Variants in RSRP1 observed in about 807,000 individuals in gnomAD.
RSRP1 encodes the protein arginine/serine-rich protein 1.
A neutral mutation model predicts 33.0 loss-of-function variants in RSRP1; 37 were observed. That is an observed-to-expected ratio of 1.12 (90% CI 0.86 to 1.48). The LOEUF (loss-of-function observed/expected upper bound fraction) is 1.48. Ranked by LOEUF, RSRP1 falls within the 40% of genes most tolerant of loss-of-function variation. The pLI, the probability that RSRP1 is intolerant of heterozygous loss-of-function variation, is 0.00. For synonymous variants in RSRP1, 167 were observed against 158.7 expected, an observed-to-expected ratio of 1.05 and a Z score of -0.40; for missense variants, 402 against 385.3, an observed-to-expected ratio of 1.04 and a Z score of -0.36.
At chr1:25,250,127 C>T (rs1434994377), upstream of RSRP1, among the ~76,000 whole-genome samples, 1 of 151,958 alleles carries the variant, frequency 6.6e-6, no homozygotes, top group Admixed American at 6.6e-5. Context: ...GCAGAATAGG[C>T]AAAAAGTTAA....
At chr1:25,285,813 G>C (rs377555026) in intron 1 of RSRP1, among the ~76,000 whole-genome samples, 1 of 134,822 alleles carries the variant, frequency 7.4e-6, no homozygotes, top group South Asian at 2.2e-4. Flanking sequence ...TCCCTGTGCT[G>C]CCCAGATGAT....
chr1:25,281,084 G>A (rs1641453826), intron 1 of RSRP1, among the ~76,000 whole-genome samples: 2 of 132,450 alleles, frequency 1.5e-5, no homozygotes. Flanking sequence ...GGCCTAAAGA[G>A]GGTAATGGAC....
rs1332284848 is a variant in RSRP1, at chr1:25,261,540, G to A, written c.-66-14511C>T. On this transcript the variant is annotated intron_variant, in intron 1 of 1. Transcript: ENST00000561867. ...TTGCCTCAGTCTCCCGAGTAGCTGG[G>A]CCTACAGGCGCCCGCCACCCTGCCC... Among the ~76,000 whole-genome samples, 8 of 151,578 alleles carry A rather than the reference G, an allele frequency of 5.3e-5. No individual in the cohort carries two copies. In the East Asian group the frequency reaches 1.5e-3, roughly 29 times the overall value.
chr1:25,284,147 G>C (rs1338403037), intron 1 of RSRP1, among the ~76,000 whole-genome samples: 2 of 136,146 alleles, frequency 1.5e-5, no homozygotes, highest in Admixed American at 1.4e-4. Context: ...CTTGGCTTCT[G>C]TGGCTTCATT....
rs1258119832 is a variant in RSRP1 at position 25,300,902 on chromosome 1, C to T, written c.-67+37076G>A. 2.2e-6 allele frequency: 3 copies of T among 1,367,976 alleles called. 1 individual carries two copies. The highest frequency in any genetic ancestry group is 3.1e-6 in the Non-Finnish European group (3 of 972,892). 84.7% of individuals were successfully genotyped at this position (1,367,976 alleles called of 1,614,324 possible). A position where few individuals can be genotyped will look rare whatever the true frequency, so the allele number is the denominator to read the frequency against. On this transcript the variant is annotated intron_variant, in intron 1 of 1. Coordinates refer to the RSRP1 transcript ENST00000561867. ...AAGGACTATCAGGGCTTGCCCCGGG[C>T]AGAGGATGCCGACACTCACTGCTCT...
intron 1 of RSRP1, among the ~76,000 whole-genome samples, chr1:25,260,156 G>C (rs572872610): frequency 6.6e-6 from 1 of 152,300 alleles, no homozygotes; most frequent in African/African-American, 2.4e-5. Context: ...ACACCATTTA[G>C]TCACTGAATA....
chr1:25,307,985 A>T (rs1643940977), intron 1 of RSRP1, among the ~76,000 whole-genome samples: 1 of 125,864 alleles, frequency 7.9e-6, no homozygotes, highest in African/African-American at 2.8e-5. Context: ...TGAGGACTTG[A>T]CCTAGCAAGG....
intron 1 of RSRP1, among the ~76,000 whole-genome samples, chr1:25,275,342 C>T (rs1207306194): frequency 5.3e-5 from 7 of 131,872 alleles, no homozygotes; most frequent in African/African-American, 1.8e-4. Flanking sequence ...GTGGCAGACT[C>T]ACTGGGCTGC....
Position 25,297,493 on chromosome 1 carries a change from T to C in RSRP1, c.-67+40485A>G, listed in dbSNP as rs866019208. The stretch of plus-strand genomic sequence containing the variant: ...TGTTGATCATCCAACTTTCACCCAC[T>C]GATTTTAGTGTTCATTGATTCTTCC... On this transcript the variant is annotated intron_variant, in intron 1 of 1. Coordinates refer to the RSRP1 transcript ENST00000561867. 5.7e-5 allele frequency among the ~76,000 whole-genome samples: 7 copies of C among 122,066 alleles called. 1 individual carries two copies. The highest frequency in any genetic ancestry group is 1.2e-4 in the Non-Finnish European group (6 of 52,168). 80.1% of individuals were successfully genotyped at this position (122,066 alleles called of 152,430 possible). A position where few individuals can be genotyped will look rare whatever the true frequency, so the allele number is the denominator to read the frequency against.
intron 1 of RSRP1, among the ~76,000 whole-genome samples, chr1:25,259,996 G>GCA (rs1325963724): frequency 1.3e-5 from 2 of 151,832 alleles, no homozygotes; most frequent in Non-Finnish European, 2.9e-5. Flanking sequence ...TGCACTGATT[G>GCA]TATACGCATC....
intron 1 of RSRP1, among the ~76,000 whole-genome samples, chr1:25,259,759 C>A (rs1640070898): frequency 6.6e-6 from 1 of 152,146 alleles, no homozygotes; most frequent in South Asian, 2.1e-4. Flanking sequence ...CTGCCTCGGC[C>A]TCCCAAAGTG....
intron 1 of RSRP1, among the ~76,000 whole-genome samples, chr1:25,261,167 C>A (rs141982555): frequency 6.9e-4 from 105 of 152,228 alleles, no homozygotes; most frequent in African/African-American, 2.4e-3. Context: ...CTCATTTGAC[C>A]TTAACTATTA....
rs1182051433 is a variant in RSRP1 at position 25,267,948 on chromosome 1, C to G, written c.-66-20919G>C. ...TGTGGTGGGCGTGGCTCCCTCCGGA[C>G]CCGGCGCCCCGCCCTCCGCCCCGTG... On this transcript the variant is annotated intron_variant, in intron 1 of 1. Coordinates refer to the RSRP1 transcript ENST00000561867. 6.0e-5 allele frequency: 8 copies of G among 133,304 alleles called. 3 individuals are homozygous for G. The highest frequency in any genetic ancestry group is 1.4e-4 in the Non-Finnish European group (8 of 56,134). The allele number at this position is 133,304 out of a possible 1,614,324, so 8.3% of individuals were successfully genotyped here.
At position 25,291,033 on chromosome 1, in the gene RSRP1, CAGTT is replaced by C. The variant is rs1216829646; in HGVS notation, c.-66-44008_-66-44005del. The stretch of plus-strand genomic sequence containing the variant: ...TTGTGGTGGCATGCACCTGTAGTCT[CAGTT>C]ACTCAGGAGGCTGAGGTGTGAGTTG... On this transcript the variant is annotated intron_variant, in intron 1 of 1. Coordinates refer to the RSRP1 transcript ENST00000561867. Among the ~76,000 whole-genome samples, 4 of 130,966 alleles carry C rather than the reference CAGTT, an allele frequency of 3.1e-5. 1 individual carries two copies. The highest frequency in any genetic ancestry group is 1.0e-4 in the African/African-American group (4 of 38,266). 85.9% of individuals were successfully genotyped at this position (130,966 alleles called of 152,430 possible).
In RSRP1 at chr1:25,301,828, C is replaced by G; in HGVS notation, c.-67+36150G>C. 2 of 715,504 alleles carry G rather than the reference C, an allele frequency of 2.8e-6. 1 individual carries two copies. Among genetic ancestry groups the G allele is most frequent in the Non-Finnish European group, 4.9e-6 (2 of 408,518 alleles). 44.3% of individuals were successfully genotyped at this position (715,504 alleles called of 1,614,324 possible). A position where few individuals can be genotyped will look rare whatever the true frequency, so the allele number is the denominator to read the frequency against. Reference sequence around the variant, plus strand: ...AGCTGTGCCTGCCTCTACAGTGGAGCTCTAGGTAGAATGCTGGGTGGTCAC... The same window carrying G: ...AGCTGTGCCTGCCTCTACAGTGGAGGTCTAGGTAGAATGCTGGGTGGTCAC... On this transcript the variant is annotated intron_variant, in intron 1 of 1. Coordinates refer to the RSRP1 transcript ENST00000561867.
In RSRP1 at chr1:25,332,709, G is replaced by GA. The variant is rs763927508; in HGVS notation, c.-67+5268dup. On this transcript the variant is annotated intron_variant, in intron 1 of 1. Transcript: ENST00000561867. ...TCCCCATGAAACTTGTATTCTAATGGAAAAAACAGAAAACAAACAGATATA... is the reference window on the plus strand; with the variant it reads ...TCCCCATGAAACTTGTATTCTAATGGAAAAAAACAGAAAACAAACAGATATA... Among the ~76,000 whole-genome samples the GA allele has an allele frequency of 4.5e-5, 6 of 132,372 alleles. 2 individuals are homozygous for GA. Among genetic ancestry groups the GA allele is most frequent in the African/African-American group, 7.7e-5 (3 of 38,780 alleles). 86.8% of individuals were successfully genotyped at this position (132,372 alleles called of 152,430 possible).
rs529070273 is a variant in RSRP1 at position 25,323,409 on chromosome 1, C to T, written c.-67+14569G>A. ...TTCCTCCCTCCCTACCCACCTGGTC[C>T]CACCCAAAGGCAACCACTGAACTAC... is the stretch of plus-strand genomic sequence containing the variant. On this transcript the variant is annotated intron_variant, in intron 1 of 1. Transcript: ENST00000561867. 7.3e-4 allele frequency among the ~76,000 whole-genome samples: 81 copies of T among 111,684 alleles called. 2 individuals carry two copies. Among genetic ancestry groups the T allele is most frequent in the Admixed American group, 3.3e-3 (36 of 10,854 alleles). 73.3% of individuals were successfully genotyped at this position (111,684 alleles called of 152,430 possible).
intron 1 of RSRP1, among the ~76,000 whole-genome samples, chr1:25,280,605 CTTTTTTT>C (rs71014346): frequency 3.3e-5 from 2 of 60,736 alleles, no homozygotes; most frequent in African/African-American, 9.4e-5. Flanking sequence ...TGTGCCTGGC[CTTTTTTT>C]TTTTTTTTTT....
At chr1:25,256,202 C>T (rs1454010747) in intron 1 of RSRP1, among the ~76,000 whole-genome samples, 4 of 150,510 alleles carry the variant, frequency 2.7e-5, no homozygotes, top group African/African-American at 7.4e-5. Flanking sequence ...TTGTCCAGGC[C>T]GGAGTGCAGT....
Sources: allele counts gnomAD v4.1 joint callset (sites outside exome capture counted in the v4.1 genomes callset), GRCh38; gene constraint gnomAD v4.1.1; transcripts MANE v1.5; gene names NCBI Gene and HGNC (gene_info 2026-07-23, HGNC 2026-07-21).